Variants in OGFOD3 observed in about 807,000 individuals in gnomAD.
OGFOD3 encodes 2-oxoglutarate and iron-dependent oxygenase domain-containing protein 3.
In OGFOD3, 35 loss-of-function variants were observed where a neutral mutation model predicts 39.8. That is an observed-to-expected ratio of 0.88 (90% confidence interval 0.67 to 1.17). OGFOD3 has a LOEUF of 1.17. OGFOD3 is among the 50% of genes most tolerant of loss of function. The probability of loss-of-function intolerance (pLI) is 0.00; values close to 1 mark genes in which losing one functional copy is unlikely to be tolerated. For missense variants in OGFOD3, 438 were observed against 454.5 expected (o/e 0.96, Z 0.33); for synonymous variants, 200 against 192.0 (o/e 1.04, Z -0.34).
At chr17:82,403,021 C>G (rs2052791756) in intron 7 of OGFOD3, among the ~76,000 whole-genome samples, 2 of 150,734 alleles carry the variant, frequency 1.3e-5, no homozygotes, top group African/African-American at 4.9e-5. Flanking sequence ...GACTGCACAC[C>G]TGCACTCCAG....
chr17:82,398,199 C>A lies in OGFOD3; in HGVS notation c.820G>T (p.Ala274Ser). The A allele has an allele frequency of 6.2e-7, 1 of 1,614,062 alleles. No homozygotes were observed. The highest frequency in any genetic ancestry group is 8.5e-7 in the Non-Finnish European group (1 of 1,179,976). ...EGANKTVEPR[A>S]GRVSFFTSGS... ...AGGCCCCGCCCGCGCCTCCTACCAG[C>A]TCTCGGCTCCACCGTCTTGTTGGCA... is the stretch of plus-strand genomic sequence containing the variant. Residue 274 changes from alanine to serine, a missense_variant, in exon 8 of 9, where the codon GCT becomes TCT. Physicochemically the swap from Ala to Ser is moderately conservative, Grantham distance 99. Transcript: ENST00000313056.
At chr17:82,413,283 G>A (rs2052981665) in intron 2 of OGFOD3, among the ~76,000 whole-genome samples, 1 of 152,202 alleles carries the variant, frequency 6.6e-6, no homozygotes. Context: ...GTCCCCCGCG[G>A]CACAGGAGCG....
chr17:82,403,805 A>ACTCACCCTGCCCACGTACGCG (rs1567869869), intron 7 of OGFOD3, 132 bp downstream of exon 7: 11 of 1,220,710 alleles, frequency 9.0e-6, no homozygotes, highest in South Asian at 2.7e-5. Context: ...CCACGTACGC[A>ACTCACCCTGCCCACGTACGCG]CTCACCCTGC....
At position 82,391,499 on chromosome 17, in the gene OGFOD3, T is replaced by A. The variant is rs923862199; in HGVS notation, c.*899A>T. On this transcript the variant is annotated 3_prime_UTR_variant, in exon 9 of 9. Transcript: ENST00000313056. This position sits in a 1 kb window ranked among gnomAD's most constrained non-coding sequence, Gnocchi z 5.1. ...CTGGGATTAATTTGTTTTTGTGTTT[T>A]TAGTAGAGACAGGGTTTCGCCATGT... is the stretch of plus-strand genomic sequence containing the variant. 6.6e-6 allele frequency: 1 copy of A among 152,366 alleles called. No homozygotes were observed. Among genetic ancestry groups the A allele is most frequent in the Non-Finnish European group, 1.5e-5 (1 of 68,184 alleles). The allele number at this position is 152,366 out of a possible 1,614,324, so 9.4% of individuals were successfully genotyped here. A position where few individuals can be genotyped will look rare whatever the true frequency, so the allele number is the denominator to read the frequency against.
At chr17:82,393,341 T>C (rs1164914029) in intron 8 of OGFOD3, 1 of 152,264 alleles carries the variant, frequency 6.6e-6, no homozygotes, top group Non-Finnish European at 1.5e-5. Context: ...TGCAATTCCT[T>C]CCTTTCACAT....
chr17:82,399,136 C>T (rs2052724706), intron 7 of OGFOD3, among the ~76,000 whole-genome samples: 1 of 152,186 alleles, frequency 6.6e-6, no homozygotes, highest in African/African-American at 2.4e-5. Flanking sequence ...AACATCTGTG[C>T]TTCTTATTTT....
chr17:82,398,302 G>A lies in OGFOD3; in HGVS notation c.717C>T (p.Phe239=), dbSNP rs950740124. The part of the protein sequence containing the change: ...AHVDKVTYGS[F]DYTSLLYLSN... Reference sequence around the variant, plus strand: ...AGAGGTACAGCAGCGAGGTGTAGTCGAAGGAGCCGTAGGTCACCTGAGGGC... The same window carrying A: ...AGAGGTACAGCAGCGAGGTGTAGTCAAAGGAGCCGTAGGTCACCTGAGGGC... The change falls in exon 8 of 9, where the codon TTC becomes TTT. Residue 239 remains phenylalanine, a synonymous_variant. Coordinates refer to ENST00000313056, the MANE Select transcript of OGFOD3 (RefSeq NM_024648.3). The A allele has an allele frequency of 8.1e-6, 13 of 1,613,864 alleles. 1 individual carries two copies. In the Middle Eastern group the frequency reaches 4.9e-4, roughly 61 times the overall value.
At position 82,404,001 on chromosome 17, in the gene OGFOD3, GAGA is replaced by G. The variant is rs780363426; in HGVS notation, c.632_634del (p.Phe211del). 8.1e-6 allele frequency: 13 copies of G among 1,611,224 alleles called. No individual in the cohort carries two copies. The highest frequency in any genetic ancestry group is 4.0e-5 in the African/African-American group (3 of 75,040). On this transcript the variant is annotated inframe_deletion, in exon 7 of 9. Transcript: ENST00000313056. This position sits in a 1 kb window ranked among gnomAD's most constrained non-coding sequence, Gnocchi z 4.5. ...CCGCGCTTCCGTGCTGTTTATGCGGGAGAAGAAGGTGGGCTTGGTCAGATGCAG... is the reference window on the plus strand; with the variant it reads ...CCGCGCTTCCGTGCTGTTTATGCGGGAGAAGGTGGGCTTGGTCAGATGCAG...
intron 1 of OGFOD3, 83 bp downstream of exon 1, chr17:82,418,329 C>A (rs2053120050): frequency 7.1e-6 from 3 of 422,762 alleles, no homozygotes; most frequent in Non-Finnish European, 1.1e-5. Context: ...TCGGGCCAGG[C>A]CCCGCCCCAT....
intron 1 of OGFOD3, among the ~76,000 whole-genome samples, chr17:82,417,489 G>A (rs2143316292): frequency 6.6e-6 from 1 of 151,718 alleles, no homozygotes; most frequent in Non-Finnish European, 1.5e-5. Flanking sequence ...CATGGTGGCG[G>A]GCGCCTGTAA....
chr17:82,398,006 CAT>C (rs1222196033), intron 8 of OGFOD3, among the ~76,000 whole-genome samples, 188 bp downstream of exon 8: 2 of 152,122 alleles, frequency 1.3e-5, no homozygotes, highest in African/African-American at 2.4e-5. Context: ...TGACCTCAGA[CAT>C]GTGGCCCCGT....
chr17:82,393,297 A>G (rs1471777397), intron 8 of OGFOD3: 2 of 152,268 alleles, frequency 1.3e-5, no homozygotes, highest in Non-Finnish European at 2.9e-5. Flanking sequence ...GTCCTGTGAC[A>G]ATTTCATTCC....
In OGFOD3 at chr17:82,406,350, G is replaced by A; in HGVS notation, c.488+68C>T. 1 of 1,424,784 alleles carries A rather than the reference G, an allele frequency of 7.0e-7. No homozygotes were observed. Among genetic ancestry groups the A allele is most frequent in the Non-Finnish European group, 9.9e-7 (1 of 1,011,042 alleles). 88.3% of individuals were successfully genotyped at this position (1,424,784 alleles called of 1,614,324 possible). On this transcript the variant is annotated intron_variant, in intron 5 of 8. Transcript: ENST00000313056. This position sits in a 1 kb window ranked among gnomAD's most constrained non-coding sequence, Gnocchi z 5.2. The stretch of plus-strand genomic sequence containing the variant: ...CATGTCCACGTGTCCACATGTCCAT[G>A]GCTAAGAGGCACGGAGCCGCTCACT...
Position 82,404,025 on chromosome 17 carries a change from T to A in OGFOD3, c.611A>T (p.His204Leu). 1 of 1,611,058 alleles carries A rather than the reference T, an allele frequency of 6.2e-7. No individual in the cohort carries two copies. Residue 204 changes from histidine to leucine, a missense_variant, in exon 7 of 9, where the codon CAT (histidine) becomes CTT (leucine). By Grantham distance (99) the His-to-Leu change is moderately conservative. Transcript: ENST00000313056. This position sits in a 1 kb window ranked among gnomAD's most constrained non-coding sequence, Gnocchi z 4.5. ...GGAGAAGAAGGTGGGCTTGGTCAGA[T>A]GCAGCGAGGATGCGCTGATGCCAAA... The part of the protein sequence containing the change: ...EAFGISASSL[H>L]LTKPTFFSRI...
Position 82,406,244 on chromosome 17 carries a change from C to T in OGFOD3, c.488+174G>A, listed in dbSNP as rs938294480. Among the ~76,000 whole-genome samples, 1 of 152,218 alleles carries T rather than the reference C, an allele frequency of 6.6e-6. No homozygotes were observed. The highest frequency in any genetic ancestry group is 1.5e-5 in the Non-Finnish European group (1 of 68,034). On this transcript the variant is annotated intron_variant, in intron 5 of 8. Coordinates refer to ENST00000313056, the MANE Select transcript of OGFOD3 (RefSeq NM_024648.3). This position sits in a 1 kb window ranked among gnomAD's most constrained non-coding sequence, Gnocchi z 5.2. ...GAGAGTCCACACCTCCCAGCTCTTGCGTCCCAAAGAACCAGGAAGGACCCG... is the reference window on the plus strand; with the variant it reads ...GAGAGTCCACACCTCCCAGCTCTTGTGTCCCAAAGAACCAGGAAGGACCCG...
intron 4 of OGFOD3, 22 bp downstream of exon 4, chr17:82,409,346 G>T: frequency 6.2e-7 from 1 of 1,612,110 alleles, no homozygotes; most frequent in African/African-American, 1.3e-5. Context: ...AAAAAGGGGG[G>T]CAGGGACTAC....
rs888770699 is a variant in OGFOD3 at position 82,389,294 on chromosome 17, C to T, written c.*3104G>A. 3.9e-5 allele frequency: 6 copies of T among 152,210 alleles called. No homozygotes were observed. Among genetic ancestry groups the T allele is most frequent in the African/African-American group, 1.4e-4 (6 of 41,452 alleles). 9.4% of individuals were successfully genotyped at this position (152,210 alleles called of 1,614,324 possible). ...TTTTACTTAAAAATAGATCACTCAT[C>T]AGAGGACACACCTGAGACTCCAGTT... On this transcript the variant is annotated 3_prime_UTR_variant, in exon 9 of 9. Transcript: ENST00000313056. The surrounding 1 kb of genome is among the most constrained non-coding windows in gnomAD (Gnocchi z 4.6).
Position 82,406,056 on chromosome 17 carries a change from G to C in OGFOD3, c.488+362C>G, listed in dbSNP as rs1465954338. On this transcript the variant is annotated intron_variant, in intron 5 of 8. Transcript: ENST00000313056. This position sits in a 1 kb window ranked among gnomAD's most constrained non-coding sequence, Gnocchi z 5.2. ...GCAGGGAGGGTCTCTTTGCTCTCCCGGCCCCTCATGGAGCGTCAAAGGCCC... is the reference window on the plus strand; with the variant it reads ...GCAGGGAGGGTCTCTTTGCTCTCCCCGCCCCTCATGGAGCGTCAAAGGCCC... Among the ~76,000 whole-genome samples the C allele has an allele frequency of 6.6e-6, 1 of 152,078 alleles. No individual in the cohort carries two copies. The highest frequency in any genetic ancestry group is 2.4e-5 in the African/African-American group (1 of 41,410).
chr17:82,394,916 T>G (rs2052648957), intron 8 of OGFOD3, among the ~76,000 whole-genome samples: 1 of 152,192 alleles, frequency 6.6e-6, no homozygotes, highest in Non-Finnish European at 1.5e-5. Context: ...CACACATCAC[T>G]GCTGGAGAAC....
Sources: gnomAD v4.1 joint callset for allele counts (sites outside exome capture counted in the v4.1 genomes callset) on GRCh38, gnomAD v4.1.1 for gene constraint, Gnocchi (gnomAD v3.1) non-coding constraint, MANE v1.5 for transcripts, NCBI Gene and HGNC (gene_info 2026-07-23, HGNC 2026-07-21) for gene names.